The following COL9A3 variants were observed in gnomAD, a reference collection of about 807,000 sequenced individuals.
COL9A3 encodes collagen alpha-3(IX) chain.
A neutral mutation model predicts 110.2 loss-of-function variants in COL9A3; 82 were observed. The ratio of observed to expected loss-of-function variants is 0.74; its 90% CI spans 0.62 to 0.89. COL9A3 has a LOEUF of 0.89. COL9A3 is among the 40% of genes least tolerant of loss of function. COL9A3 has a pLI of 0.00. For missense variants in COL9A3, 1,066 were observed against 981.3 expected (o/e 1.09, Z -1.15); for synonymous variants, 494 against 403.8 (o/e 1.22, Z -2.68).
chr20:62,825,656 TG>T, intron 12 of COL9A3, 160 bp from the exon 13 acceptor site: 1 of 754,222 alleles, frequency 1.3e-6, no homozygotes, highest in Non-Finnish European at 2.3e-6. Flanking sequence ...GGGACTGCTC[TG>T]GAACTGTGGG....
In COL9A3 at chr20:62,817,127, G is replaced by A. The variant is rs879570749; in HGVS notation, c.63G>A (p.Ala21=). The A allele has an allele frequency of 2.1e-5, 30 of 1,397,340 alleles. No individual in the cohort carries two copies. Among genetic ancestry groups the A allele is most frequent in the Non-Finnish European group, 2.5e-5 (27 of 1,070,128 alleles). The allele number at this position is 1,397,340 out of a possible 1,614,324, so 86.6% of individuals were successfully genotyped here. A position where few individuals can be genotyped will look rare whatever the true frequency, so the allele number is the denominator to read the frequency against. ...TGCTCCTGCTCGGGGAGCTTCTGGC[G>A]GCCGCCGGGGCGCAGGTGAGCGCGA... ...LLLLLLGELL[A]AAGAQRVGLP... The change falls in exon 1 of 32, where the codon GCG becomes GCA. Residue 21 remains alanine, a synonymous_variant. Coordinates refer to ENST00000649368, the MANE Select transcript of COL9A3 (RefSeq NM_001853.4).
At chr20:62,822,555 G>A (rs754713313) in intron 9 of COL9A3, 36 bp from the exon 10 acceptor site, 4 of 1,610,678 alleles carry the variant, frequency 2.5e-6, no homozygotes, top group Non-Finnish European at 3.4e-6. Context: ...TGGCTGGGGA[G>A]GGCGGGAGAA....
chr20:62,824,653 C>T (rs2063536320), intron 11 of COL9A3, 152 bp downstream of exon 11: 5 of 852,364 alleles, frequency 5.9e-6, no homozygotes, highest in South Asian at 2.9e-5. Flanking sequence ...CTCCTTGTCC[C>T]GCCTTCAGCA....
rs747634293 is a variant in COL9A3 at position 62,825,041 on chromosome 20, G to C, written c.630+20G>C. The C allele has an allele frequency of 1.2e-6, 2 of 1,604,150 alleles. No homozygotes were observed. The highest frequency in any genetic ancestry group is 1.1e-5 in the South Asian group (1 of 89,974). On this transcript the variant is annotated intron_variant, in intron 12 of 31. Transcript: ENST00000649368. The stretch of plus-strand genomic sequence containing the variant: ...GAGAAGGTGAAGCTGCCGCACAGCA[G>C]CTGGGGAGGAGCTGGGGACTGGAGG...
Position 62,835,919 on chromosome 20 carries a change from A to G in COL9A3, c.1369-2A>G, listed in dbSNP as rs1213806404. The G allele has an allele frequency of 6.2e-7, 1 of 1,614,206 alleles. No homozygotes were observed. Among genetic ancestry groups the G allele is most frequent in the Non-Finnish European group, 8.5e-7 (1 of 1,180,028 alleles). ...TCAAACACACAACTTTTCTCTTCAC[A>G]GGGTCCCAGCGGCCTGGTCGGACCC... On this transcript the variant is annotated splice_acceptor_variant, in intron 26 of 31. Transcript: ENST00000649368. LOFTEE classifies it high-confidence loss of function.
chr20:62,835,368 A>G (rs780163517), intron 26 of COL9A3, among the ~76,000 whole-genome samples: 4 of 152,224 alleles, frequency 2.6e-5, no homozygotes, highest in Non-Finnish European at 4.4e-5. Flanking sequence ...AGAGAGAGAA[A>G]GGGGCCCAAC....
rs751658593 is a variant in COL9A3, at chr20:62,818,549, C to T, written c.179C>T (p.Pro60Leu). The stretch of plus-strand genomic sequence containing the variant: ...GCTGGTCCTCCAGGTCTGCCTGGGC[C>T]CCCGGTGAGTGTCCCTGGCTGGGGA... ...GEAGPPGLPG[P>L]PGPKGAPGKP... Residue 60 changes from proline to leucine, a missense_variant, in exon 3 of 32, where the codon CCC becomes CTC. Pro to Leu is a moderately conservative substitution (Grantham distance 98). Transcript: ENST00000649368. The T allele has an allele frequency of 1.1e-5, 17 of 1,612,892 alleles. No homozygotes were observed. The East Asian group carries it at 1.6e-4, about 15-fold the overall frequency.
intron 30 of COL9A3, among the ~76,000 whole-genome samples, chr20:62,837,750 C>G (rs111683227): frequency 0.043 from 6,476 of 151,906 alleles, 162 homozygotes; most frequent in Middle Eastern, 0.079. Context: ...GAGGTTGCAG[C>G]GAGCTGAGAT....
Position 62,840,801 on chromosome 20 carries a change from T to C in COL9A3, c.*69T>C. ...GTGGACGGTCATGAAGGAGCGGGGG[T>C]GTGGCAGGCGGGTGACGTCCAGGAG... On this transcript the variant is annotated 3_prime_UTR_variant, in exon 32 of 32. Transcript: ENST00000649368. 6.5e-7 allele frequency: 1 copy of C among 1,531,198 alleles called. No homozygotes were observed. Among genetic ancestry groups the C allele is most frequent in the South Asian group, 1.2e-5 (1 of 83,390 alleles). The allele number at this position is 1,531,198 out of a possible 1,614,324, so 94.9% of individuals were successfully genotyped here. A position where few individuals can be genotyped will look rare whatever the true frequency, so the allele number is the denominator to read the frequency against.
intron 4 of COL9A3, among the ~76,000 whole-genome samples, chr20:62,819,621 G>T (rs540762009): frequency 2.6e-5 from 4 of 152,200 alleles, no homozygotes; most frequent in Admixed American, 1.3e-4. Flanking sequence ...CCAGGGCCAC[G>T]GAGTTTTGTT....
chr20:62,817,394 G>A (rs1990963582), intron 1 of COL9A3, 173 bp from the exon 2 acceptor site: 2 of 543,972 alleles, frequency 3.7e-6, no homozygotes, highest in South Asian at 6.0e-5. Context: ...CCGCCGGAGG[G>A]AGGCGGGGGA....
chr20:62,833,225 C>T (rs868813925), intron 26 of COL9A3, among the ~76,000 whole-genome samples, 161 bp downstream of exon 26: 1 of 152,322 alleles, frequency 6.6e-6, no homozygotes, highest in African/African-American at 2.4e-5. Context: ...GGGCAGAGGC[C>T]TTGGCCACTG....
upstream of COL9A3, chr20:62,816,237 C>T (rs1990899115): frequency 6.6e-6 from 1 of 152,306 alleles, no homozygotes; most frequent in Non-Finnish European, 1.5e-5. Context: ...AGCGACTGCC[C>T]TGGCAGCCTG....
chr20:62,817,512 C>A, intron 1 of COL9A3, 55 bp from the exon 2 acceptor site: 1 of 1,295,634 alleles, frequency 7.7e-7, no homozygotes, highest in Non-Finnish European at 1.1e-6. Context: ...GGAGGGGACG[C>A]CGGGTCAGGC....
rs780313887 is a variant in COL9A3, at chr20:62,836,262, G to A, written c.1477G>A (p.Gly493Arg). 26 of 1,613,660 alleles carry A rather than the reference G, an allele frequency of 1.6e-5. No individual in the cohort carries two copies. The highest frequency in any genetic ancestry group is 1.9e-5 in the Non-Finnish European group (23 of 1,179,998). Residue 493 changes from glycine (G) to arginine (R), a missense_variant, in exon 28 of 32, where the codon GGG becomes AGG. Gly to Arg is a moderately radical substitution (Grantham distance 125). Coordinates refer to ENST00000649368, the MANE Select transcript of COL9A3 (RefSeq NM_001853.4). Reference protein sequence around the residue: ...NGTSGVQGVPGPPGPLGLQGV... With the variant: ...NGTSGVQGVPRPPGPLGLQGV... ...CACCAGCGGTGTTCAGGGTGTCCCCGGGCCCCCCGGTCCTCTGGGCCTGCA... is the reference window on the plus strand; with the variant it reads ...CACCAGCGGTGTTCAGGGTGTCCCCAGGCCCCCCGGTCCTCTGGGCCTGCA...
rs1292489545 is a variant in COL9A3 at position 62,837,096 on chromosome 20, G to A, written c.1617G>A (p.Gln539=). Residue 539 remains glutamine, a synonymous_variant, in exon 30 of 32, where the codon CAG becomes CAA. Transcript: ENST00000649368. ...GTTTTCCCAAAGAACAAATTGCACA[G>A]TTAGCCGCGCACCTAAGGAAGCCTT... is the stretch of plus-strand genomic sequence containing the variant. ...CGGMISEQIA[Q]LAAHLRKPLA... 5.6e-6 allele frequency: 9 copies of A among 1,613,240 alleles called. No individual in the cohort carries two copies. The highest frequency in any genetic ancestry group is 7.6e-6 in the Non-Finnish European group (9 of 1,180,030).
chr20:62,837,151 C>T lies in COL9A3; in HGVS notation c.1672C>T (p.Pro558Ser), dbSNP rs995654700. The change falls in exon 30 of 32, where the codon CCA (proline) becomes TCA (serine). Residue 558 changes from proline (P) to serine (S), a missense_variant. By Grantham distance (74) the Pro-to-Ser change is moderately conservative. Transcript: ENST00000649368. ...ACCCGGGTCCATTGGTCGGCCCGGT[C>T]CAGCTGGCCCCCCTGGGCCCCCAGG... is the stretch of plus-strand genomic sequence containing the variant. ...LAPGSIGRPGPAGPPGPPGPP... is the reference protein window; with the variant it reads ...LAPGSIGRPGSAGPPGPPGPP... 9.3e-6 allele frequency: 15 copies of T among 1,613,258 alleles called. No homozygotes were observed. Among genetic ancestry groups the T allele is most frequent in the Non-Finnish European group, 1.2e-5 (14 of 1,179,960 alleles).
intron 19 of COL9A3, 61 bp from the exon 20 acceptor site, chr20:62,829,394 G>C: frequency 6.2e-7 from 1 of 1,606,100 alleles, no homozygotes; most frequent in Non-Finnish European, 8.5e-7. Flanking sequence ...GCACGCCCCT[G>C]GGTGCTGCTG....
At chr20:62,833,191 G>T in intron 26 of COL9A3, 127 bp downstream of exon 26, 1 of 803,692 alleles carries the variant, frequency 1.2e-6, no homozygotes, top group Non-Finnish European at 2.2e-6. Flanking sequence ...GCTCTGCTGG[G>T]CAGCGTGGGG....
Sources: gnomAD v4.1 joint callset for allele counts (sites outside exome capture counted in the v4.1 genomes callset) on GRCh38, gnomAD v4.1.1 for gene constraint, MANE v1.5 for transcripts, NCBI Gene and HGNC (gene_info 2026-07-23, HGNC 2026-07-21) for gene names.